ESF1: variants seen among roughly 807,000 people sequenced by gnomAD.
The protein encoded by ESF1 is ESF1 homolog.
A neutral mutation model predicts 92.0 loss-of-function variants in ESF1; 58 were observed. That is an observed-to-expected ratio of 0.63 (90% confidence interval 0.51 to 0.78). ESF1 has a LOEUF of 0.78. ESF1 is among the 30% of genes least tolerant of loss of function. ESF1 has a pLI of 0.00. For missense variants in ESF1, 922 were observed against 989.1 expected (o/e 0.93, Z 0.91); for synonymous variants, 321 against 313.7 (o/e 1.02, Z -0.24).
intron 11 of ESF1, among the ~76,000 whole-genome samples, chr20:13,725,319 T>C (rs1349395630): frequency 2.0e-5 from 3 of 152,216 alleles, no homozygotes; most frequent in Non-Finnish European, 4.4e-5. Flanking sequence ...AGTAACTTCT[T>C]TTCTGTTGGA....
intron 8 of ESF1, among the ~76,000 whole-genome samples, chr20:13,763,577 T>C (rs1451115781): frequency 6.6e-6 from 1 of 152,204 alleles, no homozygotes; most frequent in African/African-American, 2.4e-5. Context: ...TAAATGCCCA[T>C]ATAGGCATAC....
In ESF1 at chr20:13,715,147, C is replaced by T. The variant is rs559457216; in HGVS notation, c.2283G>A (p.Arg761=). 156 of 1,565,190 alleles carry T rather than the reference C, an allele frequency of 1.0e-4. 3 individuals are homozygous for T. In the South Asian group the frequency reaches 1.8e-3, roughly 18 times the overall value. The change falls in exon 14 of 14, where the codon CGG becomes CGA. Residue 761 remains arginine (R), a synonymous_variant. Transcript: ENST00000617257. Reference sequence around the variant, plus strand: ...AGTGGGAAGTGTACATTGCCTGAAACCGTGCATCGTTAACATTTACCTGCA... The same window carrying T: ...AGTGGGAAGTGTACATTGCCTGAAATCGTGCATCGTTAACATTTACCTGCA... ...DDFEVNVNDA[R]FQAMYTSHLF...
intron 9 of ESF1, among the ~76,000 whole-genome samples, chr20:13,755,236 T>C (rs4814258): frequency 0.65 from 98,190 of 152,012 alleles, 32,124 homozygotes; most frequent in East Asian, 0.89. Context: ...CAGCTATCCA[T>C]TTCACTAATA....
chr20:13,747,249 T>C (rs2147746784), intron 9 of ESF1, among the ~76,000 whole-genome samples: 1 of 130,904 alleles, frequency 7.6e-6, no homozygotes, highest in Non-Finnish European at 1.6e-5. Flanking sequence ...CAGAGAAAAA[T>C]GAGTTGTATA....
chr20:13,774,549 T>C (rs1268261424), intron 4 of ESF1, among the ~76,000 whole-genome samples: 1 of 152,186 alleles, frequency 6.6e-6, no homozygotes, highest in Non-Finnish European at 1.5e-5. Flanking sequence ...TCACCAATAC[T>C]ATTGTTATAT....
At chr20:13,717,261 C>G (rs138135793) in intron 13 of ESF1, 107 bp downstream of exon 13, 1 of 1,388,212 alleles carries the variant, frequency 7.2e-7, no homozygotes, top group East Asian at 2.3e-5. Flanking sequence ...CACCGGGCCC[C>G]TAAGACATTT....
chr20:13,719,142 G>T (rs2049850866), intron 11 of ESF1, among the ~76,000 whole-genome samples, 158 bp from the exon 12 acceptor site: 1 of 152,070 alleles, frequency 6.6e-6, no homozygotes, highest in African/African-American at 2.4e-5. Context: ...AGAAGACTGT[G>T]GGTATATGAA....
chr20:13,754,291 A>G (rs1378340783), intron 9 of ESF1, among the ~76,000 whole-genome samples: 1 of 152,100 alleles, frequency 6.6e-6, no homozygotes, highest in Non-Finnish European at 1.5e-5. Flanking sequence ...ATACCCCGCA[A>G]TTCTGAATTT....
intron 7 of ESF1, among the ~76,000 whole-genome samples, chr20:13,769,144 CT>C (rs1979566994): frequency 6.6e-6 from 1 of 152,106 alleles, no homozygotes; most frequent in Non-Finnish European, 1.5e-5. Context: ...TCCACTTCCC[CT>C]TATTCCCTAG....
chr20:13,752,996 T>C (rs569686758), intron 9 of ESF1, among the ~76,000 whole-genome samples: 2 of 152,284 alleles, frequency 1.3e-5, no homozygotes, highest in East Asian at 3.9e-4. Context: ...CCATGTCTCC[T>C]TCCCAAGAGT....
At chr20:13,780,252 C>A (rs930119551) in intron 2 of ESF1, among the ~76,000 whole-genome samples, 1 of 151,968 alleles carries the variant, frequency 6.6e-6, no homozygotes, top group Non-Finnish European at 1.5e-5. Context: ...CTCAAGGTAA[C>A]TAAGAAAATT....
chr20:13,715,031 T>C lies in ESF1; in HGVS notation c.2399A>G (p.Lys800Arg), dbSNP rs749461847. The C allele has an allele frequency of 8.1e-6, 13 of 1,614,018 alleles. No individual in the cohort carries two copies. The highest frequency in any genetic ancestry group is 1.6e-4 in the Middle Eastern group (1 of 6,084). The change falls in exon 14 of 14, where the codon AAA (lysine) becomes AGA (arginine). Residue 800 changes from lysine to arginine, a missense_variant. Physicochemically the swap from Lys to Arg is conservative, Grantham distance 26. Transcript: ENST00000617257. ...TATTGCCTGAGTAAGTTCTTGTTCT[T>C]TCCGTTCTCTTTGCCGGGCCTTCTC... is the stretch of plus-strand genomic sequence containing the variant. ...LEEKARQRERKEQELTQAIKK... is the reference protein window; with the variant it reads ...LEEKARQRERREQELTQAIKK...
At chr20:13,775,126 ATATT>A (rs776495630) in intron 4 of ESF1, 27 bp downstream of exon 4, 2 of 1,437,872 alleles carry the variant, frequency 1.4e-6, no homozygotes, top group Non-Finnish European at 1.9e-6. Flanking sequence ...ATGCCTAGAA[ATATT>A]TATTTCAAAA....
intron 9 of ESF1, among the ~76,000 whole-genome samples, chr20:13,756,317 G>A (rs577244796): frequency 6.6e-6 from 1 of 152,162 alleles, no homozygotes; most frequent in Non-Finnish European, 1.5e-5. Context: ...ACCTCATTAG[G>A]GGCCTTCAAA....
intron 7 of ESF1, among the ~76,000 whole-genome samples, chr20:13,769,365 AG>A (rs1469473489): frequency 6.6e-6 from 1 of 152,240 alleles, no homozygotes; most frequent in Non-Finnish European, 1.5e-5. Flanking sequence ...AAGAGAAAAA[AG>A]AAACATCAGC....
chr20:13,723,029 G>A (rs1261145517), intron 11 of ESF1, among the ~76,000 whole-genome samples: 2 of 152,118 alleles, frequency 1.3e-5, no homozygotes, highest in African/African-American at 2.4e-5. Flanking sequence ...GGCAAAAAAT[G>A]TAACAGAATA....
At chr20:13,747,117 C>G (rs978983331) in intron 9 of ESF1, among the ~76,000 whole-genome samples, 1 of 152,076 alleles carries the variant, frequency 6.6e-6, no homozygotes, top group Non-Finnish European at 1.5e-5. Context: ...ACTGGTGGTA[C>G]GCTGGTTGGG....
intron 12 of ESF1, 121 bp from the exon 13 acceptor site, chr20:13,717,635 G>T: frequency 9.6e-7 from 1 of 1,041,070 alleles, no homozygotes; most frequent in South Asian, 1.6e-5. Context: ...GAACTCTGGG[G>T]TACCACCTGT....
Position 13,735,131 on chromosome 20 carries a change from C to G in ESF1, c.1829-1289G>C, listed in dbSNP as rs576873529. Among the ~76,000 whole-genome samples, 116 of 152,194 alleles carry G rather than the reference C, an allele frequency of 7.6e-4. 3 individuals carry two copies. In the South Asian group the frequency reaches 0.023, roughly 30 times the overall value. ...CTCCCACGTGCACTGATTTCCCCCC[C>G]TCAAAACATTTGGTAAAAGTAAAAA... On this transcript the variant is annotated intron_variant, in intron 9 of 13. Transcript: ENST00000617257.
Sources: gnomAD v4.1 joint callset for allele counts (sites outside exome capture counted in the v4.1 genomes callset) on GRCh38, gnomAD v4.1.1 for gene constraint, MANE v1.5 for transcripts, NCBI Gene and HGNC (gene_info 2026-07-23, HGNC 2026-07-21) for gene names.